The following LYPLA1 variants were observed in gnomAD, a reference collection of about 807,000 sequenced individuals.
LYPLA1 encodes lysophospholipase 1.
Under a neutral mutation model 34.0 loss-of-function variants are expected in LYPLA1, and 17 were observed. The observed-to-expected ratio is 0.50, with a 90% CI of 0.34 to 0.75. LYPLA1 has a LOEUF of 0.75. LYPLA1 is among the 30% of genes least tolerant of loss of function. The pLI, the probability that LYPLA1 is intolerant of heterozygous loss-of-function variation, is 0.01. For missense variants in LYPLA1, 203 were observed against 288.8 expected, an observed-to-expected ratio of 0.70 and a Z score of 2.15; for synonymous variants, 98 against 100.8, an observed-to-expected ratio of 0.97 and a Z score of 0.17.
chr8:54,095,551 G>T (rs1809619054), intron 2 of LYPLA1, among the ~76,000 whole-genome samples: 1 of 151,932 alleles, frequency 6.6e-6, no homozygotes, highest in South Asian at 2.1e-4. Flanking sequence ...ATTTTAATGT[G>T]GAGAAACCTG....
intron 2 of LYPLA1, among the ~76,000 whole-genome samples, chr8:54,083,424 T>C (rs1029034167): frequency 1.3e-5 from 2 of 152,238 alleles, no homozygotes; most frequent in African/African-American, 4.8e-5. Context: ...TCCCAACTTA[T>C]AATGGCTAAA....
At chr8:54,049,039 T>C (rs1356971317) in intron 8 of LYPLA1, among the ~76,000 whole-genome samples, 1 of 152,234 alleles carries the variant, frequency 6.6e-6, no homozygotes, top group African/African-American at 2.4e-5. Flanking sequence ...CATTAAGGGT[T>C]CCAGGACTTC....
chr8:54,076,630 AG>A (rs1807928703), intron 2 of LYPLA1, among the ~76,000 whole-genome samples: 1 of 152,182 alleles, frequency 6.6e-6, no homozygotes, highest in Admixed American at 6.5e-5. Context: ...TCACGCTGGA[AG>A]GTTGTGGGTT....
intron 2 of LYPLA1, among the ~76,000 whole-genome samples, chr8:54,077,141 A>G (rs907601424): frequency 1.1e-4 from 17 of 152,150 alleles, no homozygotes; most frequent in Admixed American, 1.3e-4. Flanking sequence ...CATATACACC[A>G]TGAATTGTTA....
chr8:54,087,238 C>T (rs1808865897), intron 2 of LYPLA1, among the ~76,000 whole-genome samples: 1 of 152,108 alleles, frequency 6.6e-6, no homozygotes, highest in African/African-American at 2.4e-5. Flanking sequence ...TATACACTAG[C>T]AATGAACAAT....
chr8:54,057,956 TA>T (rs1270273357), intron 5 of LYPLA1, among the ~76,000 whole-genome samples: 1 of 152,024 alleles, frequency 6.6e-6, no homozygotes, highest in Admixed American at 6.6e-5. Context: ...AAATTGAAAA[TA>T]AAAAAATAAA....
At chr8:54,054,015 C>G (rs1806030095) in intron 6 of LYPLA1, among the ~76,000 whole-genome samples, 1 of 152,116 alleles carries the variant, frequency 6.6e-6, no homozygotes, top group African/African-American at 2.4e-5. Flanking sequence ...AGTCTCAGCT[C>G]TGTTGCCCAG....
chr8:54,065,384 G>A (rs1359980631), intron 3 of LYPLA1, among the ~76,000 whole-genome samples: 1 of 151,884 alleles, frequency 6.6e-6, no homozygotes, highest in Non-Finnish European at 1.5e-5. Flanking sequence ...CTTGAACCCA[G>A]GAGGTGGAGG....
At chr8:54,084,124 G>GAAAAAAAAAAAAA (rs201545035) in intron 2 of LYPLA1, among the ~76,000 whole-genome samples, 8 of 56,382 alleles carry the variant, frequency 1.4e-4, no homozygotes, top group African/African-American at 7.2e-4. Flanking sequence ...GGAGACCAAA[G>GAAAAAAAAAAAAA]AAAAAAAAAA....
At chr8:54,061,546 A>G (rs893081115) in intron 5 of LYPLA1, among the ~76,000 whole-genome samples, 4 of 152,204 alleles carry the variant, frequency 2.6e-5, no homozygotes, top group Non-Finnish European at 5.9e-5. Context: ...CACTGTGGCA[A>G]ACAAGTAACA....
intron 6 of LYPLA1, chr8:54,053,576 C>T (rs186350478): frequency 9.9e-5 from 45 of 456,206 alleles, no homozygotes; most frequent in Admixed American, 7.3e-4. Context: ...CATGAGTACA[C>T]GAGAGCCTTT....
At chr8:54,052,184 A>T (rs536130694) in intron 7 of LYPLA1, among the ~76,000 whole-genome samples, 10 of 152,330 alleles carry the variant, frequency 6.6e-5, no homozygotes, top group Non-Finnish European at 1.3e-4. Flanking sequence ...TGTTAAAAAA[A>T]GTCCTAATTT....
At position 54,052,775 on chromosome 8, in the gene LYPLA1, A is replaced by C. The variant is rs1304304634; in HGVS notation, c.361-19T>G. The C allele has an allele frequency of 3.3e-6, 5 of 1,494,254 alleles. No individual in the cohort carries two copies. The East Asian group carries it at 9.0e-5, about 27-fold the overall frequency. The allele number at this position is 1,494,254 out of a possible 1,614,324, so 92.6% of individuals were successfully genotyped here. Reference sequence around the variant, plus strand: ...CTCCTCCCTGAAAAGACAAGCAGGGAAAGTCAATGGAACACACATGCTTGC... The same window carrying C: ...CTCCTCCCTGAAAAGACAAGCAGGGCAAGTCAATGGAACACACATGCTTGC... On this transcript the variant is annotated intron_variant, in intron 6 of 8. Transcript: ENST00000316963.
At chr8:54,052,530 A>T in intron 7 of LYPLA1, 125 bp downstream of exon 7, 1 of 642,218 alleles carries the variant, frequency 1.6e-6, no homozygotes. Flanking sequence ...TTTTGCTGTG[A>T]ATTTAGAACT....
At chr8:54,084,818 A>C (rs528577679) in intron 2 of LYPLA1, among the ~76,000 whole-genome samples, 1 of 152,362 alleles carries the variant, frequency 6.6e-6, no homozygotes, top group East Asian at 1.9e-4. Flanking sequence ...TCCTAGAATG[A>C]CACAAACTAC....
At chr8:54,092,549 C>T (rs538586965) in intron 2 of LYPLA1, among the ~76,000 whole-genome samples, 1 of 152,160 alleles carries the variant, frequency 6.6e-6, no homozygotes, top group Admixed American at 6.5e-5. Flanking sequence ...CCATCCATAA[C>T]CAGGAGCTAG....
intron 8 of LYPLA1, among the ~76,000 whole-genome samples, chr8:54,049,232 TA>T (rs2129321306): frequency 6.6e-6 from 1 of 152,348 alleles, no homozygotes; most frequent in African/African-American, 2.4e-5. Flanking sequence ...ACTATCTCAC[TA>T]GGAATCAATT....
rs1419156720 is a variant in LYPLA1, at chr8:54,046,465, T to G, written c.*1600A>C. 6.6e-6 allele frequency: 1 copy of G among 152,668 alleles called. No individual in the cohort carries two copies. Among genetic ancestry groups the G allele is most frequent in the Non-Finnish European group, 1.5e-5 (1 of 68,030 alleles). 9.5% of individuals were successfully genotyped at this position (152,668 alleles called of 1,614,324 possible). On this transcript the variant is annotated 3_prime_UTR_variant, in exon 9 of 9. Coordinates refer to ENST00000316963, the MANE Select transcript of LYPLA1 (RefSeq NM_006330.4). ...TACAGCACAATATTTCAATGGAATATTTCTTGCCATAAATAATATCTTGCT... is the reference window on the plus strand; with the variant it reads ...TACAGCACAATATTTCAATGGAATAGTTCTTGCCATAAATAATATCTTGCT...
chr8:54,053,282 C>A (rs921414030), intron 6 of LYPLA1: 1 of 214,464 alleles, frequency 4.7e-6, no homozygotes, highest in East Asian at 1.0e-4. Context: ...TTGGTAGAGA[C>A]GGGGTTTCTC....
Sources: gnomAD v4.1 joint callset for allele counts (sites outside exome capture counted in the v4.1 genomes callset) on GRCh38, gnomAD v4.1.1 for gene constraint, MANE v1.5 for transcripts, NCBI Gene and HGNC (gene_info 2026-07-23, HGNC 2026-07-21) for gene names.